The following RGPD4 variants were observed in gnomAD, a reference collection of about 807,000 sequenced individuals.
RGPD4 encodes ranBP2-like and GRIP domain-containing protein 4.
In RGPD4, 84 loss-of-function variants were observed where a neutral mutation model predicts 141.1. The ratio of observed to expected loss-of-function variants is 0.60; its 90% CI spans 0.50 to 0.71. The LOEUF is 0.71. Ranked by LOEUF, RGPD4 falls within the 30% of genes least tolerant of loss-of-function variation. RGPD4 has a pLI of 0.00. For synonymous variants in RGPD4, 298 were observed against 566.8 expected (o/e 0.53, Z 6.74); for missense variants, 918 against 1,622.4 (o/e 0.57, Z 7.46).
chr2:107,876,460 A>G (rs183468102), intron 20 of RGPD4, among the ~76,000 whole-genome samples: 3,133 of 151,214 alleles, frequency 0.021, 172 homozygotes, highest in African/African-American at 0.073. Context: ...AAATTTGTCT[A>G]CTTTTTAAAT....
In RGPD4 at chr2:107,859,386, T is replaced by C. The variant is rs1682454908; in HGVS notation, c.1466T>C (p.Leu489Pro). The change falls in exon 11 of 23, where the codon CTC (leucine) becomes CCC (proline). Residue 489 changes from leucine (L) to proline (P), a missense_variant. Leu to Pro is a moderately conservative substitution (Grantham distance 98). Coordinates refer to ENST00000408999, the MANE Select transcript of RGPD4 (RefSeq NM_182588.3). Reference sequence around the variant, plus strand: ...TTTCCTTAAATAAAACAGGTATTTCTCCTTGGAGTAGTATATACCAGCCAC... The same window carrying C: ...TTTCCTTAAATAAAACAGGTATTTCCCCTTGGAGTAGTATATACCAGCCAC... ...SICILDLEVF[L>P]LGVVYTSHLQ... 2 of 1,606,500 alleles carry C rather than the reference T, an allele frequency of 1.2e-6. No homozygotes were observed. Among genetic ancestry groups the C allele is most frequent in the Non-Finnish European group, 1.7e-6 (2 of 1,178,704 alleles).
At position 107,859,488 on chromosome 2, in the gene RGPD4, A is replaced by C. The variant is rs773841682; in HGVS notation, c.1568A>C (p.Gln523Pro). The C allele has an allele frequency of 1.2e-5, 19 of 1,611,394 alleles. No individual in the cohort carries two copies. In the South Asian group the frequency reaches 1.2e-4, roughly 10 times the overall value. The part of the protein sequence containing the change: ...PLCLPLPVCK[Q>P]LCTERQKSWW... ...TGCCTGCCCCTTCCTGTATGTAAACAGCTTTGTACAGAAAGACAAAAATCT... is the reference window on the plus strand; with the variant it reads ...TGCCTGCCCCTTCCTGTATGTAAACCGCTTTGTACAGAAAGACAAAAATCT... Residue 523 changes from glutamine to proline, a missense_variant, in exon 11 of 23, where the codon CAG becomes CCG. By Grantham distance (76) the Gln-to-Pro change is moderately conservative. Coordinates refer to ENST00000408999, the MANE Select transcript of RGPD4 (RefSeq NM_182588.3).
At chr2:107,830,523 C>T (rs184538494) in intron 1 of RGPD4, among the ~76,000 whole-genome samples, 2 of 152,208 alleles carry the variant, frequency 1.3e-5, no homozygotes, top group East Asian at 1.9e-4. Flanking sequence ...ATTATGGCAC[C>T]TCTCTTACAC....
intron 6 of RGPD4, among the ~76,000 whole-genome samples, chr2:107,844,966 G>A (rs1260548541): frequency 2.8e-5 from 4 of 140,456 alleles, no homozygotes; most frequent in African/African-American, 1.1e-4. Context: ...CTCCTGAGTA[G>A]CTGGGACCAC....
At chr2:107,876,850 T>C (rs999109115) in intron 20 of RGPD4, among the ~76,000 whole-genome samples, 1 of 152,120 alleles carries the variant, frequency 6.6e-6, no homozygotes, top group African/African-American at 2.4e-5. Flanking sequence ...CAATCAGCAG[T>C]GGAATAAGCA....
intron 1 of RGPD4, among the ~76,000 whole-genome samples, chr2:107,831,039 G>A (rs571507602): frequency 1.4e-4 from 20 of 146,050 alleles, no homozygotes; most frequent in Middle Eastern, 3.5e-3. Context: ...TGAGCCGGGC[G>A]TGGTGGCAGC....
intron 1 of RGPD4, among the ~76,000 whole-genome samples, chr2:107,830,209 G>A (rs1023066848): frequency 9.0e-4 from 137 of 151,448 alleles, no homozygotes; most frequent in African/African-American, 3.2e-3. Context: ...CTTACAAATC[G>A]TTAGTATGGC....
At chr2:107,881,914 G>T (rs1675377120) in intron 21 of RGPD4, among the ~76,000 whole-genome samples, 1 of 151,756 alleles carries the variant, frequency 6.6e-6, no homozygotes, top group Non-Finnish European at 1.5e-5. Flanking sequence ...GCCGTTCACT[G>T]TGGACGTCTT....
intron 20 of RGPD4, among the ~76,000 whole-genome samples, chr2:107,875,621 T>G (rs1371107056): frequency 6.8e-6 from 1 of 146,210 alleles, no homozygotes; most frequent in Non-Finnish European, 1.5e-5. Context: ...TCTAATTTTT[T>G]GCGCTTTGCA....
At chr2:107,847,820 G>A (rs1489597533) in intron 6 of RGPD4, among the ~76,000 whole-genome samples, 2,413 of 36,346 alleles carry the variant, frequency 0.066, 96 homozygotes, top group African/African-American at 0.27. Context: ...GAGAGACTCC[G>A]TCTCAAAAAA....
Position 107,890,154 on chromosome 2 carries a change from A to T in RGPD4, c.5267-567A>T, listed in dbSNP as rs1236810127. On this transcript the variant is annotated intron_variant, in intron 22 of 22. Transcript: ENST00000408999. ...AGTTCTAGATTGCTTCATGTTGCTT[A>T]TCAATGTTTTAAAGCTAAAATAGAA... Among the ~76,000 whole-genome samples, 6 of 117,628 alleles carry T rather than the reference A, an allele frequency of 5.1e-5. No individual in the cohort carries two copies. In the South Asian group the frequency reaches 2.0e-3, roughly 39 times the overall value. 77.2% of individuals were successfully genotyped at this position (117,628 alleles called of 152,430 possible).
At chr2:107,829,915 G>C (rs865794634) in intron 1 of RGPD4, among the ~76,000 whole-genome samples, 3 of 147,522 alleles carry the variant, frequency 2.0e-5, no homozygotes, top group Non-Finnish European at 3.1e-5. Context: ...GGCGGAGGTC[G>C]TACCTCCTTG....
intron 17 of RGPD4, among the ~76,000 whole-genome samples, chr2:107,863,691 C>G (rs1015939891): frequency 2.0e-5 from 3 of 151,748 alleles, no homozygotes; most frequent in Non-Finnish European, 4.4e-5. Flanking sequence ...CAGAGTTTCA[C>G]CATGTTGGCC....
At chr2:107,846,535 C>T (rs1294506014) in intron 6 of RGPD4, among the ~76,000 whole-genome samples, 4 of 150,660 alleles carry the variant, frequency 2.7e-5, no homozygotes, top group Admixed American at 1.3e-4. Context: ...AGTGTGATCT[C>T]GGATCACTGC....
chr2:107,884,077 A>G (rs904524018), intron 22 of RGPD4, among the ~76,000 whole-genome samples: 17 of 151,336 alleles, frequency 1.1e-4, no homozygotes, highest in Non-Finnish European at 2.5e-4. Context: ...CATATATTGC[A>G]TTTGGTTGAT....
chr2:107,871,320 C>T lies in RGPD4; in HGVS notation c.3316C>T (p.Leu1106=). ...PRMLMRREQV[L]KVCANHWITT... ...AATGCTGATGCGAAGAGAACAAGTACTAAAAGTGTGTGCTAATCATTGGAT... is the reference window on the plus strand; with the variant it reads ...AATGCTGATGCGAAGAGAACAAGTATTAAAAGTGTGTGCTAATCATTGGAT... Residue 1106 remains leucine, a synonymous_variant, in exon 20 of 23, where the codon CTA becomes TTA. Coordinates refer to ENST00000408999, the MANE Select transcript of RGPD4 (RefSeq NM_182588.3). 2 of 1,602,164 alleles carry T rather than the reference C, an allele frequency of 1.2e-6. No homozygotes were observed. Among genetic ancestry groups the T allele is most frequent in the Middle Eastern group, 2.3e-4 (1 of 4,426 alleles).
intron 1 of RGPD4, among the ~76,000 whole-genome samples, chr2:107,827,801 C>A (rs867138888): frequency 3.7e-4 from 7 of 19,142 alleles, no homozygotes; most frequent in African/African-American, 3.3e-3. Flanking sequence ...GGCCTCGACC[C>A]GGCCCGGCGG....
At chr2:107,844,981 G>T (rs1431946690) in intron 6 of RGPD4, among the ~76,000 whole-genome samples, 1 of 141,310 alleles carries the variant, frequency 7.1e-6, no homozygotes, top group Non-Finnish European at 1.5e-5. Flanking sequence ...GACCACAGGC[G>T]CACACCACCA....
At chr2:107,857,758 G>A (rs573919138) in intron 9 of RGPD4, among the ~76,000 whole-genome samples, 12 of 151,642 alleles carry the variant, frequency 7.9e-5, no homozygotes, top group East Asian at 2.0e-4. Context: ...TTGGGAGGCC[G>A]AGGCGGGCAG....
Sources: allele counts gnomAD v4.1 joint callset (sites outside exome capture counted in the v4.1 genomes callset), GRCh38; gene constraint gnomAD v4.1.1; transcripts MANE v1.5; gene names NCBI Gene and HGNC (gene_info 2026-07-23, HGNC 2026-07-21).